B3GAT2: variants seen among roughly 807,000 people sequenced by gnomAD.
B3GAT2 encodes the protein beta-1,3-glucuronyltransferase 2.
B3GAT2 carries 26 observed loss-of-function variants against 27.8 expected under a neutral mutation model. The observed-to-expected ratio is 0.93, with a 90% CI of 0.68 to 1.30. B3GAT2 has a LOEUF of 1.30. B3GAT2 is among the 50% of genes most tolerant of loss of function. The pLI, the probability that B3GAT2 is intolerant of heterozygous loss-of-function variation, is 0.00. For synonymous variants in B3GAT2, 218 were observed against 195.1 expected (o/e 1.12, Z -0.98); for missense variants, 458 against 459.0 (o/e 1.00, Z 0.02).
At position 70,856,716 on chromosome 6, in the gene B3GAT2, G is replaced by A; in HGVS notation, c.*4947C>T. 1 of 738,090 alleles carries A rather than the reference G, an allele frequency of 1.4e-6. No homozygotes were observed. Among genetic ancestry groups the A allele is most frequent in the East Asian group, 2.8e-5 (1 of 36,268 alleles). 45.7% of individuals were successfully genotyped at this position (738,090 alleles called of 1,614,324 possible). A position where few individuals can be genotyped will look rare whatever the true frequency, so the allele number is the denominator to read the frequency against. On this transcript the variant is annotated 3_prime_UTR_variant, in exon 4 of 4. Transcript: ENST00000230053. Reference sequence around the variant, plus strand: ...TTTTTATATGGGCTTGGGCTTGTAAGTGATCCTCTTGAATGGCACCATTTT... The same window carrying A: ...TTTTTATATGGGCTTGGGCTTGTAAATGATCCTCTTGAATGGCACCATTTT...
chr6:70,930,728 C>T (rs1423250146), intron 1 of B3GAT2, among the ~76,000 whole-genome samples: 1 of 152,236 alleles, frequency 6.6e-6, no homozygotes, highest in Admixed American at 6.5e-5. Flanking sequence ...CACTTTTACA[C>T]TGTTGGTGGG....
At chr6:70,888,166 A>G (rs1281472748) in intron 2 of B3GAT2, among the ~76,000 whole-genome samples, 1 of 151,782 alleles carries the variant, frequency 6.6e-6, no homozygotes, top group Non-Finnish European at 1.5e-5. Flanking sequence ...GACACCCTCC[A>G]CTGGGACAAC....
At chr6:70,915,111 G>A (rs1772750366) in intron 1 of B3GAT2, among the ~76,000 whole-genome samples, 1 of 152,228 alleles carries the variant, frequency 6.6e-6, no homozygotes, top group Non-Finnish European at 1.5e-5. Flanking sequence ...ACTGGCATGA[G>A]ATGGTATCTC....
At chr6:70,923,622 C>A (rs562388883) in intron 1 of B3GAT2, among the ~76,000 whole-genome samples, 20 of 152,102 alleles carry the variant, frequency 1.3e-4, no homozygotes, top group Non-Finnish European at 2.5e-4. Context: ...CAGGATTGCA[C>A]CACTGTACTC....
Position 70,859,820 on chromosome 6 carries a change from C to G in B3GAT2, c.*1843G>C. On this transcript the variant is annotated 3_prime_UTR_variant, in exon 4 of 4. Transcript: ENST00000230053. ...ATAAGATTTTAATAGAGAATAATAT[C>G]TATCATACAAAGTTTATAGGATAAT... is the stretch of plus-strand genomic sequence containing the variant. 5.6e-6 allele frequency: 1 copy of G among 179,868 alleles called. No individual in the cohort carries two copies. Among genetic ancestry groups the G allele is most frequent in the East Asian group, 1.5e-4 (1 of 6,480 alleles). The allele number at this position is 179,868 out of a possible 1,614,324, so 11.1% of individuals were successfully genotyped here.
intron 1 of B3GAT2, among the ~76,000 whole-genome samples, chr6:70,917,813 C>G (rs1159748973): frequency 6.6e-6 from 1 of 152,082 alleles, no homozygotes; most frequent in African/African-American, 2.4e-5. Flanking sequence ...TGTTTTGCTT[C>G]CAATTATGTG....
At position 70,956,869 on chromosome 6, in the gene B3GAT2, G is replaced by A. The variant is rs1765666889; in HGVS notation, c.-440C>T. 9.7e-7 allele frequency: 1 copy of A among 1,025,964 alleles called. No homozygotes were observed. The highest frequency in any genetic ancestry group is 1.7e-5 in the African/African-American group (1 of 57,584). 63.6% of individuals were successfully genotyped at this position (1,025,964 alleles called of 1,614,324 possible). ...CAAGGGCTCCAGCCGCGGGCCCCCA[G>A]GACGCTCTCTGGGACGCCTTCGAGG... On this transcript the variant is annotated 5_prime_UTR_variant, in exon 1 of 4. Transcript: ENST00000230053.
At chr6:70,942,020 C>T (rs1262545748) in intron 1 of B3GAT2, among the ~76,000 whole-genome samples, 1 of 152,130 alleles carries the variant, frequency 6.6e-6, no homozygotes, top group Non-Finnish European at 1.5e-5. Context: ...TGGACAAATA[C>T]TTATCTATAG....
At chr6:70,881,070 C>A (rs1011297831) in intron 2 of B3GAT2, among the ~76,000 whole-genome samples, 2 of 152,284 alleles carry the variant, frequency 1.3e-5, no homozygotes, top group African/African-American at 4.8e-5. Flanking sequence ...ATTTCTATTT[C>A]TTTGTACTTT....
At chr6:70,928,874 G>A (rs1275974910) in intron 1 of B3GAT2, among the ~76,000 whole-genome samples, 2 of 152,108 alleles carry the variant, frequency 1.3e-5, no homozygotes, top group East Asian at 1.9e-4. Flanking sequence ...ATACCCAAAG[G>A]ATTATAAATC....
chr6:70,933,515 G>A (rs1773092469), intron 1 of B3GAT2, among the ~76,000 whole-genome samples: 1 of 152,180 alleles, frequency 6.6e-6, no homozygotes, highest in Non-Finnish European at 1.5e-5. Flanking sequence ...TCCTCTGATA[G>A]AAAAGACTTC....
rs1771721001 is a variant in B3GAT2 at position 70,861,396 on chromosome 6, G to A, written c.*267C>T. ...TCAAGAGTGGTATCTTGCAGTATCG[G>A]CACTGTACAAAAAAATCTTCCAATT... is the stretch of plus-strand genomic sequence containing the variant. On this transcript the variant is annotated 3_prime_UTR_variant, in exon 4 of 4. Transcript: ENST00000230053. The A allele has an allele frequency of 2.3e-6, 1 of 441,236 alleles. No individual in the cohort carries two copies. The highest frequency in any genetic ancestry group is 3.5e-5 in the Admixed American group (1 of 28,344). The allele number at this position is 441,236 out of a possible 1,614,324, so 27.3% of individuals were successfully genotyped here.
chr6:70,914,092 T>C (rs901567795), intron 1 of B3GAT2, among the ~76,000 whole-genome samples: 1 of 152,154 alleles, frequency 6.6e-6, no homozygotes, highest in Admixed American at 6.6e-5. Flanking sequence ...CTGCATGAGA[T>C]GGGTCTCTTG....
At chr6:70,928,753 A>T (rs1773007583) in intron 1 of B3GAT2, among the ~76,000 whole-genome samples, 1 of 152,194 alleles carries the variant, frequency 6.6e-6, no homozygotes, top group South Asian at 2.1e-4. Flanking sequence ...ATTCTATCAG[A>T]GGTACCAGGA....
intron 2 of B3GAT2, among the ~76,000 whole-genome samples, chr6:70,863,072 G>A (rs1771789901): frequency 6.6e-6 from 1 of 152,166 alleles, no homozygotes. Flanking sequence ...TGCCATCTCA[G>A]CAAGTAATAA....
intron 1 of B3GAT2, among the ~76,000 whole-genome samples, chr6:70,931,230 G>C (rs1773058624): frequency 6.6e-6 from 1 of 152,054 alleles, no homozygotes; most frequent in South Asian, 2.1e-4. Context: ...AATACCTAAT[G>C]TAAATGATGA....
intron 2 of B3GAT2, among the ~76,000 whole-genome samples, chr6:70,882,157 G>A (rs543772498): frequency 4.6e-5 from 7 of 152,252 alleles, no homozygotes; most frequent in Admixed American, 2.0e-4. Context: ...CATGAGATTG[G>A]ATTCAGCAGT....
rs1453130920 is a variant in B3GAT2, at chr6:70,867,078, AAAG to A, written c.737-5103_737-5101del. On this transcript the variant is annotated intron_variant, in intron 2 of 3. Coordinates refer to ENST00000230053, the MANE Select transcript of B3GAT2 (RefSeq NM_080742.3). ...TATAATTCTAAGCAAAATACAAACCAAAGAAGAAATCAAAAGGGAAATGATAAA... is the reference window on the plus strand; with the variant it reads ...TATAATTCTAAGCAAAATACAAACCAAAGAAATCAAAAGGGAAATGATAAA... Among the ~76,000 whole-genome samples, 4 of 152,334 alleles carry A rather than the reference AAAG, an allele frequency of 2.6e-5. No individual in the cohort carries two copies. The East Asian group carries it at 7.7e-4, about 29-fold the overall frequency.
At chr6:70,887,708 T>C (rs1197857343) in intron 2 of B3GAT2, among the ~76,000 whole-genome samples, 2 of 152,112 alleles carry the variant, frequency 1.3e-5, no homozygotes, top group Non-Finnish European at 2.9e-5. Context: ...GAACAGCACA[T>C]TATAACACGG....
Sources: allele counts gnomAD v4.1 joint callset (sites outside exome capture counted in the v4.1 genomes callset), GRCh38; gene constraint gnomAD v4.1.1; transcripts MANE v1.5; gene names NCBI Gene and HGNC (gene_info 2026-07-23, HGNC 2026-07-21).